Variants in SLIT1 observed in about 807,000 individuals in gnomAD.
SLIT1 encodes slit guidance ligand 1.
Under a neutral mutation model 186.1 loss-of-function variants are expected in SLIT1, and 66 were observed. The observed-to-expected ratio is 0.35, with a 90% CI of 0.29 to 0.44. The LOEUF (loss-of-function observed/expected upper bound fraction) is 0.44. Among genes scored for constraint, SLIT1 ranks in the 20% least tolerant of loss-of-function variants. The pLI is 1.00. For synonymous variants in SLIT1, 761 were observed against 833.8 expected, an observed-to-expected ratio of 0.91 and a Z score of 1.50; for missense variants, 1,638 against 2,037.4, an observed-to-expected ratio of 0.80 and a Z score of 3.77.
chr10:97,048,994 G>A lies in SLIT1; in HGVS notation c.1426C>T (p.Arg476Cys). The A allele has an allele frequency of 2.5e-6, 4 of 1,612,218 alleles. No individual in the cohort carries two copies. Among genetic ancestry groups the A allele is most frequent in the Non-Finnish European group, 1.7e-6 (2 of 1,180,016 alleles). The change falls in exon 14 of 37, where the codon CGC becomes TGC. Residue 476 changes from arginine to cysteine, a missense_variant. By Grantham distance (180) the Arg-to-Cys change is radical (BLOSUM62 -3). Transcript: ENST00000266058. ...TTCTTGCTCTTGATCTGCCCGATGCGCTTGTTGGCGAGGCGCCGGGGACTG... is the reference window on the plus strand; with the variant it reads ...TTCTTGCTCTTGATCTGCCCGATGCACTTGTTGGCGAGGCGCCGGGGACTG... ...CASPRRLANKRIGQIKSKKFR... is the reference protein window; with the variant it reads ...CASPRRLANKCIGQIKSKKFR...
At chr10:97,067,928 T>C (rs75659770) in intron 4 of SLIT1, among the ~76,000 whole-genome samples, 3 of 152,078 alleles carry the variant, frequency 2.0e-5, no homozygotes, top group Non-Finnish European at 4.4e-5. Context: ...ACACCGCCCC[T>C]TGAACTGTCA....
At chr10:97,115,828 A>G (rs1849503759) in intron 4 of SLIT1, among the ~76,000 whole-genome samples, 1 of 152,228 alleles carries the variant, frequency 6.6e-6, no homozygotes, top group Non-Finnish European at 1.5e-5. Context: ...TCAGAAAGGA[A>G]GCCTGTGTCA....
chr10:97,059,186 A>G (rs1589378042), intron 11 of SLIT1, among the ~76,000 whole-genome samples: 1 of 152,214 alleles, frequency 6.6e-6, no homozygotes, highest in Non-Finnish European at 1.5e-5. Context: ...TGTGGCAGGG[A>G]GTGCATCCCA....
chr10:97,051,046 T>C (rs1481416748), intron 13 of SLIT1, among the ~76,000 whole-genome samples: 3 of 152,154 alleles, frequency 2.0e-5, no homozygotes, highest in African/African-American at 4.8e-5. Flanking sequence ...GTGCTGCATA[T>C]GTGGCCACGC....
intron 21 of SLIT1, among the ~76,000 whole-genome samples, chr10:97,038,442 C>G (rs1356575292): frequency 1.3e-5 from 2 of 152,222 alleles, no homozygotes; most frequent in Non-Finnish European, 2.9e-5. Context: ...GGCCTCCACT[C>G]TACTCACTGC....
At chr10:97,101,735 C>T (rs1463053474) in intron 4 of SLIT1, among the ~76,000 whole-genome samples, 1 of 152,230 alleles carries the variant, frequency 6.6e-6, no homozygotes, top group Non-Finnish European at 1.5e-5. Context: ...CAAAGCATGG[C>T]CCCTGTACCA....
At chr10:97,054,226 G>C (rs1207865522) in intron 13 of SLIT1, among the ~76,000 whole-genome samples, 2 of 151,766 alleles carry the variant, frequency 1.3e-5, no homozygotes, top group Non-Finnish European at 2.9e-5. Context: ...CTGAGCTCAT[G>C]CAAGATCTGA....
rs746325618 is a variant in SLIT1 at position 97,011,135 on chromosome 10, T to C, written c.3204-5A>G. On this transcript the variant is annotated splice_polypyrimidine_tract_variant and splice_region_variant and intron_variant, in intron 30 of 36. Coordinates refer to ENST00000266058, the MANE Select transcript of SLIT1 (RefSeq NM_003061.3). Reference sequence around the variant, plus strand: ...TAACCTGGCATGCACTCACACCTAGTGGGTGGGGGGCAGGGGTAGTTGGGG... The same window carrying C: ...TAACCTGGCATGCACTCACACCTAGCGGGTGGGGGGCAGGGGTAGTTGGGG... The C allele has an allele frequency of 9.9e-6, 16 of 1,611,268 alleles. No homozygotes were observed. Among genetic ancestry groups the C allele is most frequent in the Non-Finnish European group, 1.2e-5 (14 of 1,178,114 alleles).
Position 97,001,159 on chromosome 10 carries a change from C to T in SLIT1, c.4558G>A (p.Glu1520Lys), listed in dbSNP as rs774592049. Reference sequence around the variant, plus strand: ...CACTTGGTGGGCTTTTCCACCTCCTCGGCAAAAGAGGTCCCATCGCTGCAC... The same window carrying T: ...CACTTGGTGGGCTTTTCCACCTCCTTGGCAAAAGAGGTCCCATCGCTGCAC... ...FECSDGTSFA[E>K]EVEKPTKCGC... is the part of the protein sequence containing the mutation. The change falls in exon 37 of 37, where the codon GAG becomes AAG. Residue 1520 changes from glutamate (E) to lysine (K), a missense_variant. Transcript: ENST00000266058. 2.4e-5 allele frequency: 39 copies of T among 1,613,102 alleles called. No individual in the cohort carries two copies. The highest frequency in any genetic ancestry group is 1.0e-4 in the Admixed American group (6 of 60,018).
At chr10:97,161,196 C>A (rs916946033) in intron 3 of SLIT1, among the ~76,000 whole-genome samples, 2 of 152,212 alleles carry the variant, frequency 1.3e-5, no homozygotes, top group East Asian at 3.8e-4. Flanking sequence ...CCCCCCAGAC[C>A]CTTTCCCTCC....
In SLIT1 at chr10:97,006,807, C is replaced by T. The variant is rs1270327870; in HGVS notation, c.3342-87G>A. 5.7e-6 allele frequency: 5 copies of T among 882,468 alleles called. No individual in the cohort carries two copies. The East Asian group carries it at 1.0e-4, about 18-fold the overall frequency. The allele number at this position is 882,468 out of a possible 1,614,324, so 54.7% of individuals were successfully genotyped here. On this transcript the variant is annotated intron_variant, in intron 31 of 36. Coordinates refer to ENST00000266058, the MANE Select transcript of SLIT1 (RefSeq NM_003061.3). This position sits in a 1 kb window ranked among gnomAD's most constrained non-coding sequence, Gnocchi z 4.0. Reference sequence around the variant, plus strand: ...CAGCCCTGGAGAGAAATTCACTAAACATCTTGGGAAAATGGATTCTTAAAG... The same window carrying T: ...CAGCCCTGGAGAGAAATTCACTAAATATCTTGGGAAAATGGATTCTTAAAG...
chr10:97,096,502 C>T (rs887367025), intron 4 of SLIT1, among the ~76,000 whole-genome samples: 6 of 152,164 alleles, frequency 3.9e-5, no homozygotes, highest in African/African-American at 9.7e-5. Context: ...GCCGGGAGCC[C>T]GCTGACATTT....
chr10:97,122,059 C>T (rs1203797049), intron 4 of SLIT1, among the ~76,000 whole-genome samples: 2 of 152,206 alleles, frequency 1.3e-5, no homozygotes, highest in African/African-American at 2.4e-5. Context: ...TACAGAACCT[C>T]GACTTGAAGC....
chr10:97,135,322 C>G (rs1400860072), intron 4 of SLIT1, among the ~76,000 whole-genome samples: 1 of 152,150 alleles, frequency 6.6e-6, no homozygotes, highest in Non-Finnish European at 1.5e-5. Context: ...GGTGTCCACT[C>G]ACTGCGCAAC....
At chr10:97,106,911 G>A (rs192086982) in intron 4 of SLIT1, among the ~76,000 whole-genome samples, 217 of 152,352 alleles carry the variant, frequency 1.4e-3, no homozygotes, top group Middle Eastern at 3.4e-3. Context: ...GCAGCGACAC[G>A]CATCCTAACA....
intron 5 of SLIT1, 129 bp from the exon 6 acceptor site, chr10:97,065,005 G>T (rs1848930758): frequency 1.8e-6 from 1 of 552,470 alleles, no homozygotes; most frequent in Middle Eastern, 2.8e-4. Context: ...GTGTATATGT[G>T]TCAATCCAAA....
At chr10:97,115,175 C>A (rs1214178746) in intron 4 of SLIT1, among the ~76,000 whole-genome samples, 1 of 152,212 alleles carries the variant, frequency 6.6e-6, no homozygotes, top group Non-Finnish European at 1.5e-5. Flanking sequence ...TGCAGGGGCC[C>A]CTTCCTGGCT....
chr10:97,172,331 C>A (rs1043583727), intron 1 of SLIT1, among the ~76,000 whole-genome samples: 19 of 152,182 alleles, frequency 1.2e-4, no homozygotes, highest in Non-Finnish European at 2.1e-4. Flanking sequence ...CAAGCATGAG[C>A]CACCTCCCCC....
chr10:97,168,726 G>A (rs1217039915), intron 1 of SLIT1, among the ~76,000 whole-genome samples: 1 of 152,160 alleles, frequency 6.6e-6, no homozygotes, highest in East Asian at 1.9e-4. Context: ...ATACATTCCT[G>A]TAAATGGAAT....
Sources: allele counts gnomAD v4.1 joint callset (sites outside exome capture counted in the v4.1 genomes callset), GRCh38; gene constraint gnomAD v4.1.1; non-coding constraint Gnocchi (gnomAD v3.1); transcripts MANE v1.5; gene names NCBI Gene and HGNC (gene_info 2026-07-23, HGNC 2026-07-21).